The following RHBDL3 variants were observed in gnomAD, a reference collection of about 807,000 sequenced individuals.
RHBDL3 encodes rhomboid like 3, also known as rhomboid-related protein 3.
Under a neutral mutation model 48.2 loss-of-function variants are expected in RHBDL3, and 28 were observed. That is an observed-to-expected ratio of 0.58 (90% CI 0.43 to 0.80). The LOEUF is 0.80. Among genes scored for constraint, RHBDL3 ranks in the 30% least tolerant of loss-of-function variants. The pLI is 0.00. For missense variants in RHBDL3, 464 were observed against 542.7 expected (o/e 0.85, Z 1.44); for synonymous variants, 208 against 232.3 (o/e 0.90, Z 0.95).
intron 2 of RHBDL3, chr17:32,280,654 T>C (rs1433488113): frequency 2.6e-5 from 4 of 152,038 alleles, no homozygotes; most frequent in African/African-American, 9.7e-5. Context: ...GATGAGGTAG[T>C]TGTGGCTCGG....
At chr17:32,271,561 T>C (rs994726200) in intron 2 of RHBDL3, among the ~76,000 whole-genome samples, 3 of 152,328 alleles carry the variant, frequency 2.0e-5, no homozygotes, top group Admixed American at 6.5e-5. Context: ...GTGACAGATA[T>C]GGGACCAGAG....
At chr17:32,295,008 G>T (rs1283878900) in intron 5 of RHBDL3, among the ~76,000 whole-genome samples, 1 of 152,176 alleles carries the variant, frequency 6.6e-6, no homozygotes, top group Non-Finnish European at 1.5e-5. Flanking sequence ...GACCACCCAG[G>T]TCCATATCCC....
chr17:32,317,960 G>A (rs1335744295), intron 8 of RHBDL3, among the ~76,000 whole-genome samples: 2 of 151,892 alleles, frequency 1.3e-5, no homozygotes, highest in Non-Finnish European at 2.9e-5. Flanking sequence ...TGTAATCCCA[G>A]CACTTTGGGA....
intron 4 of RHBDL3, 50 bp from the exon 5 acceptor site, chr17:32,294,244 G>T (rs757196522): frequency 6.4e-7 from 1 of 1,562,538 alleles, no homozygotes; most frequent in East Asian, 2.3e-5. Context: ...ACAACAGGAA[G>T]TTTCCTGGGC....
chr17:32,286,940 C>A (rs1423809362), intron 3 of RHBDL3, among the ~76,000 whole-genome samples: 1 of 152,202 alleles, frequency 6.6e-6, no homozygotes, highest in African/African-American at 2.4e-5. Context: ...TATGGGCTAG[C>A]ATGGACTGTG....
chr17:32,290,383 C>G (rs2040299352), intron 4 of RHBDL3, among the ~76,000 whole-genome samples: 1 of 152,134 alleles, frequency 6.6e-6, no homozygotes, highest in South Asian at 2.1e-4. Flanking sequence ...CCAGGTTGAT[C>G]AAGAGGAGCA....
intron 2 of RHBDL3, among the ~76,000 whole-genome samples, chr17:32,275,088 G>A (rs978366240): frequency 1.3e-5 from 2 of 152,122 alleles, no homozygotes. Context: ...AGACCCTTTG[G>A]TGGCTGCCAG....
intron 2 of RHBDL3, among the ~76,000 whole-genome samples, chr17:32,269,141 A>G (rs373850777): frequency 6.6e-6 from 1 of 152,202 alleles, no homozygotes; most frequent in East Asian, 1.9e-4. Flanking sequence ...TGAACCCAGT[A>G]GTTCAAGACC....
intron 7 of RHBDL3, among the ~76,000 whole-genome samples, chr17:32,308,496 T>G (rs2150744613): frequency 6.6e-6 from 1 of 152,262 alleles, no homozygotes; most frequent in African/African-American, 2.4e-5. Flanking sequence ...TGAGATCACC[T>G]GTGGTTCCAG....
chr17:32,305,583 C>A, intron 7 of RHBDL3, 142 bp downstream of exon 7: 1 of 659,470 alleles, frequency 1.5e-6, no homozygotes, highest in African/African-American at 1.8e-5. Context: ...TCCTCACCCT[C>A]TGCAGGCCCA....
At chr17:32,287,299 A>G (rs2040220240) in intron 3 of RHBDL3, among the ~76,000 whole-genome samples, 1 of 152,124 alleles carries the variant, frequency 6.6e-6, no homozygotes, top group African/African-American at 2.4e-5. Flanking sequence ...GGAGAGAGAC[A>G]GGTGAGAGTG....
chr17:32,268,576 C>G (rs1278186831), intron 2 of RHBDL3, among the ~76,000 whole-genome samples: 2 of 152,114 alleles, frequency 1.3e-5, no homozygotes, highest in Non-Finnish European at 2.9e-5. Context: ...TCTTAGCATT[C>G]GTGGTGGGTG....
chr17:32,318,330 AAAAAAAAAAG>A (rs1311103594), intron 8 of RHBDL3, among the ~76,000 whole-genome samples: 2 of 144,286 alleles, frequency 1.4e-5, no homozygotes, highest in Non-Finnish European at 3.0e-5. Context: ...TGCCTTAAAA[AAAAAAAAAAG>A]AAAAGAAAAG....
At chr17:32,300,967 G>A (rs112816583) in intron 6 of RHBDL3, among the ~76,000 whole-genome samples, 4,316 of 151,712 alleles carry the variant, frequency 0.028, 80 homozygotes, top group Non-Finnish European at 0.038. Context: ...TGCAACCTCC[G>A]CCTCTTGCGT....
intron 3 of RHBDL3, among the ~76,000 whole-genome samples, chr17:32,287,483 G>A (rs1363235788): frequency 1.3e-5 from 2 of 152,178 alleles, no homozygotes; most frequent in Non-Finnish European, 2.9e-5. Flanking sequence ...CATCTGGGAT[G>A]GCCTGCTGGA....
intron 6 of RHBDL3, among the ~76,000 whole-genome samples, chr17:32,298,939 G>A (rs904989370): frequency 1.1e-4 from 17 of 152,210 alleles, no homozygotes; most frequent in Admixed American, 5.2e-4. Context: ...GAGGTGAGGT[G>A]GGTGAAGTTA....
rs118103919 is a variant in RHBDL3, at chr17:32,268,134, C to A, written c.135+209C>A. ...CTCCCCTGAGAGGATCTCCCTCCTG[C>A]CTCCTCCCTACTCTGCTGCACCAGA... On this transcript the variant is annotated intron_variant, in intron 2 of 8. Transcript: ENST00000269051. 6.7e-3 allele frequency among the ~76,000 whole-genome samples: 1,017 copies of A among 152,294 alleles called. 4 individuals are homozygous for A. Among genetic ancestry groups the A allele is most frequent in the Non-Finnish European group, 0.01 (713 of 68,030 alleles).
At chr17:32,308,293 G>C (rs1444156139) in intron 7 of RHBDL3, among the ~76,000 whole-genome samples, 1 of 152,180 alleles carries the variant, frequency 6.6e-6, no homozygotes, top group Non-Finnish European at 1.5e-5. Context: ...TCTCCAGGAG[G>C]TTGTGTGGGT....
chr17:32,284,643 T>G lies in RHBDL3; in HGVS notation c.136-16T>G. The G allele has an allele frequency of 1.2e-6, 2 of 1,612,908 alleles. No individual in the cohort carries two copies. Among genetic ancestry groups the G allele is most frequent in the Non-Finnish European group, 1.7e-6 (2 of 1,178,934 alleles). On this transcript the variant is annotated splice_polypyrimidine_tract_variant and intron_variant, in intron 2 of 8. Transcript: ENST00000269051. ...TGGTGCCCTGCTGACCCTGCTGCTG[T>G]CTGCTTTTCCCTCAGTTTGACCCTG...
Sources: gnomAD v4.1 joint callset for allele counts (sites outside exome capture counted in the v4.1 genomes callset) on GRCh38, gnomAD v4.1.1 for gene constraint, MANE v1.5 for transcripts, NCBI Gene and HGNC (gene_info 2026-07-23, HGNC 2026-07-21) for gene names.